The following PALM2AKAP2 variants were observed in gnomAD, a reference collection of about 807,000 sequenced individuals.
PALM2AKAP2 encodes PALM2 and AKAP2 fusion.
PALM2AKAP2 carries 37 observed loss-of-function variants against 71.5 expected under a neutral mutation model. The observed-to-expected ratio is 0.52, with a 90% confidence interval of 0.40 to 0.68. The LOEUF is 0.68. Ranked by LOEUF, PALM2AKAP2 falls within the 30% of genes least tolerant of loss-of-function variation. PALM2AKAP2 has a pLI of 0.00. For synonymous variants in PALM2AKAP2, 468 were observed against 478.8 expected (o/e 0.98, Z 0.29); for missense variants, 1,224 against 1,191.8 (o/e 1.03, Z -0.40).
At chr9:109,822,213 A>C (rs1236536434) in intron 1 of PALM2AKAP2, among the ~76,000 whole-genome samples, 2 of 152,196 alleles carry the variant, frequency 1.3e-5, no homozygotes, top group Non-Finnish European at 2.9e-5. Context: ...AGCGTCAAAA[A>C]GTCACTAGAT....
At chr9:110,046,770 G>A (rs1028213367), upstream of PALM2AKAP2, among the ~76,000 whole-genome samples, 7 of 152,228 alleles carry the variant, frequency 4.6e-5, no homozygotes, top group Non-Finnish European at 8.8e-5. Flanking sequence ...ACCCGGCCTT[G>A]CTTTACTGTT....
intron 1 of PALM2AKAP2, among the ~76,000 whole-genome samples, chr9:109,654,811 C>T (rs1184869227): frequency 6.6e-6 from 1 of 150,430 alleles, no homozygotes; most frequent in Non-Finnish European, 1.5e-5. Context: ...TTTAAAGCCT[C>T]CTTCTAAAAT....
chr9:109,659,152 G>A (rs1827351091), intron 1 of PALM2AKAP2, among the ~76,000 whole-genome samples: 1 of 152,062 alleles, frequency 6.6e-6, no homozygotes. Context: ...ATTTTTTTGT[G>A]TGTGAAGGAG....
intron 1 of PALM2AKAP2, among the ~76,000 whole-genome samples, chr9:109,861,287 G>A (rs1361862581): frequency 6.6e-6 from 1 of 152,216 alleles, no homozygotes; most frequent in East Asian, 1.9e-4. Flanking sequence ...CAGCAGGAGA[G>A]AAGAGGGAGT....
chr9:109,706,919 G>A (rs1158934987), intron 1 of PALM2AKAP2, among the ~76,000 whole-genome samples: 1 of 152,172 alleles, frequency 6.6e-6, no homozygotes, highest in African/African-American at 2.4e-5. Context: ...GGGGTGGGAA[G>A]TGACTACTAA....
chr9:109,879,194 C>A (rs1321658120), intron 2 of PALM2AKAP2, among the ~76,000 whole-genome samples: 7 of 152,226 alleles, frequency 4.6e-5, no homozygotes, highest in Non-Finnish European at 8.8e-5. Flanking sequence ...TAGAAGAGTT[C>A]TTTCCTTTCA....
chr9:109,815,269 A>G (rs1315076760), intron 1 of PALM2AKAP2, among the ~76,000 whole-genome samples: 1 of 152,204 alleles, frequency 6.6e-6, no homozygotes, highest in Non-Finnish European at 1.5e-5. Flanking sequence ...TATTTTGGGG[A>G]AAAGTGATGA....
At chr9:109,663,109 T>C (rs1345519197) in intron 1 of PALM2AKAP2, among the ~76,000 whole-genome samples, 1 of 152,208 alleles carries the variant, frequency 6.6e-6, no homozygotes, top group Non-Finnish European at 1.5e-5. Flanking sequence ...GCTAGCGGTC[T>C]ACCAATTTTG....
chr9:110,099,473 T>C (rs958318311), intron 1 of PALM2AKAP2, among the ~76,000 whole-genome samples: 1 of 152,104 alleles, frequency 6.6e-6, no homozygotes, highest in African/African-American at 2.4e-5. Flanking sequence ...TGAGCAACTA[T>C]CTTTTGGAAG....
chr9:109,903,417 CA>C (rs200775265), intron 3 of PALM2AKAP2, among the ~76,000 whole-genome samples: 2,288 of 152,260 alleles, frequency 0.015, 26 homozygotes, highest in Middle Eastern at 0.034. Context: ...GTGATGATCT[CA>C]ATGAAGATGG....
intron 3 of PALM2AKAP2, among the ~76,000 whole-genome samples, chr9:109,892,395 C>A (rs569092889): frequency 1.5e-4 from 23 of 151,822 alleles, no homozygotes; most frequent in African/African-American, 5.6e-4. Context: ...TTCTCAAGAT[C>A]CTTAAATTAA....
At chr9:109,692,560 T>TG (rs1279564345) in intron 1 of PALM2AKAP2, among the ~76,000 whole-genome samples, 2 of 152,146 alleles carry the variant, frequency 1.3e-5, no homozygotes, top group East Asian at 3.9e-4. Flanking sequence ...TTAGGTATCA[T>TG]GTAGCTATAG....
At chr9:110,065,744 T>C (rs1834064949) in intron 1 of PALM2AKAP2, among the ~76,000 whole-genome samples, 1 of 152,192 alleles carries the variant, frequency 6.6e-6, no homozygotes, top group Non-Finnish European at 1.5e-5. Context: ...GCAACCACCA[T>C]TCTACTTTCT....
At chr9:109,748,053 G>A (rs1828830271) in intron 1 of PALM2AKAP2, among the ~76,000 whole-genome samples, 1 of 152,194 alleles carries the variant, frequency 6.6e-6, no homozygotes, top group African/African-American at 2.4e-5. Flanking sequence ...ATATTTACCA[G>A]TTGAAACTGA....
intron 6 of PALM2AKAP2, among the ~76,000 whole-genome samples, chr9:109,989,680 C>T (rs531309009): frequency 1.0e-3 from 152 of 152,376 alleles, no homozygotes; most frequent in African/African-American, 3.6e-3. Context: ...AAGGATAGAG[C>T]AAGCCCTGCC....
intron 7 of PALM2AKAP2, among the ~76,000 whole-genome samples, chr9:110,034,641 G>A (rs1225460535): frequency 1.7e-5 from 2 of 115,094 alleles, no homozygotes; most frequent in African/African-American, 3.6e-5. Flanking sequence ...ACACAGTTTC[G>A]TTGCCCAGGC....
intron 7 of PALM2AKAP2, among the ~76,000 whole-genome samples, chr9:110,020,208 G>T (rs957561885): frequency 4.6e-5 from 7 of 152,226 alleles, no homozygotes; most frequent in African/African-American, 1.7e-4. Context: ...CTTCCATATT[G>T]CTCTTCTTGT....
At chr9:109,726,323 T>C (rs1211481230) in intron 1 of PALM2AKAP2, among the ~76,000 whole-genome samples, 1 of 152,124 alleles carries the variant, frequency 6.6e-6, no homozygotes, top group Non-Finnish European at 1.5e-5. Context: ...ATGCCTTCAG[T>C]TTTCAGAAGC....
intron 1 of PALM2AKAP2, among the ~76,000 whole-genome samples, chr9:109,655,349 G>C (rs1181992225): frequency 1.3e-5 from 2 of 151,512 alleles, no homozygotes; most frequent in East Asian, 1.9e-4. Context: ...AGGCCCTCTG[G>C]GTGACAAGGA....
Sources: allele counts gnomAD v4.1 joint callset (sites outside exome capture counted in the v4.1 genomes callset), GRCh38; gene constraint gnomAD v4.1.1; transcripts MANE v1.5; gene names NCBI Gene and HGNC (gene_info 2026-07-23, HGNC 2026-07-21).